Variants in EDEM1 observed in about 807,000 individuals in gnomAD.
EDEM1 encodes ER degradation-enhancing alpha-mannosidase-like protein 1.
Under a neutral mutation model 74.4 loss-of-function variants are expected in EDEM1, and 67 were observed. The observed-to-expected ratio is 0.90, with a 90% confidence interval of 0.74 to 1.10. The LOEUF is 1.10. Among genes scored for constraint, EDEM1 ranks in the 50% least tolerant of loss-of-function variants. The pLI, the probability that EDEM1 is intolerant of heterozygous loss-of-function variation, is 0.00. For missense variants in EDEM1, 926 were observed against 851.6 expected (o/e 1.09, Z -1.09); for synonymous variants, 382 against 335.9 (o/e 1.14, Z -1.50).
chr3:5,204,759 T>C (rs2055075184), intron 5 of EDEM1, among the ~76,000 whole-genome samples: 1 of 152,210 alleles, frequency 6.6e-6, no homozygotes, highest in Admixed American at 6.5e-5. Flanking sequence ...GGTTAAAGTC[T>C]GTGAAAAACT....
Position 5,216,167 on chromosome 3 carries a change from A to G in EDEM1, c.*249A>G, listed in dbSNP as rs2055233036. 6.0e-6 allele frequency: 3 copies of G among 501,086 alleles called. No individual in the cohort carries two copies. The South Asian group carries it at 9.0e-5, about 15-fold the overall frequency. 31.0% of individuals were successfully genotyped at this position (501,086 alleles called of 1,614,324 possible). ...TACATGGAAATTGCCCTCTTATGAC[A>G]TGTTGATGTTATAAGCACAATAGAT... On this transcript the variant is annotated 3_prime_UTR_variant, in exon 12 of 12. Transcript: ENST00000256497.
chr3:5,205,800 A>G (rs1296178082), intron 6 of EDEM1, among the ~76,000 whole-genome samples: 1 of 152,184 alleles, frequency 6.6e-6, no homozygotes, highest in Non-Finnish European at 1.5e-5. Flanking sequence ...TGGGAATGAT[A>G]TACCAATACT....
At chr3:5,215,336 G>A (rs1189337349) in intron 11 of EDEM1, among the ~76,000 whole-genome samples, 2 of 151,746 alleles carry the variant, frequency 1.3e-5, no homozygotes, top group East Asian at 3.8e-4. Context: ...TAAGCATTTA[G>A]AGTTTAGTGA....
chr3:5,188,385 C>G, intron 1 of EDEM1, 71 bp downstream of exon 1: 11 of 1,327,130 alleles, frequency 8.3e-6, no homozygotes, highest in Non-Finnish European at 1.1e-5. Flanking sequence ...GGGGTGCAGC[C>G]CTCTGTCCTC....
rs2055038826 is a variant in EDEM1, at chr3:5,201,853, A to G, written c.787A>G (p.Met263Val). The change falls in exon 4 of 12, where the codon ATG becomes GTG. Residue 263 changes from methionine to valine, a missense_variant. Coordinates refer to ENST00000256497, the MANE Select transcript of EDEM1 (RefSeq NM_014674.3). ...GGACTATGATAATGAGTTGTTATAC[A>G]TGGCCCATGACCTGGCGGTGCGGCT... The part of the protein sequence containing the change: ...IKDYDNELLY[M>V]AHDLAVRLLP... The G allele has an allele frequency of 6.2e-7, 1 of 1,614,214 alleles. No individual in the cohort carries two copies. Among genetic ancestry groups the G allele is most frequent in the South Asian group, 1.1e-5 (1 of 91,082 alleles).
chr3:5,214,310 G>A (rs540836766), intron 11 of EDEM1, among the ~76,000 whole-genome samples: 2 of 152,310 alleles, frequency 1.3e-5, no homozygotes, highest in African/African-American at 4.8e-5. Flanking sequence ...GAGTTCGGCA[G>A]CCTCCCCACA....
At chr3:5,206,698 A>G (rs2055101118) in intron 6 of EDEM1, among the ~76,000 whole-genome samples, 2 of 152,220 alleles carry the variant, frequency 1.3e-5, no homozygotes, top group Non-Finnish European at 2.9e-5. Flanking sequence ...CAAAGCCACA[A>G]ACTAAATTGA....
intron 2 of EDEM1, among the ~76,000 whole-genome samples, chr3:5,196,484 A>ACG (rs1309949410): frequency 4.0e-5 from 6 of 151,494 alleles, no homozygotes; most frequent in Admixed American, 3.3e-4. Flanking sequence ...ACACACACAC[A>ACG]AGAATTGGGT....
At chr3:5,215,439 G>C (rs949726191) in intron 11 of EDEM1, among the ~76,000 whole-genome samples, 2 of 152,188 alleles carry the variant, frequency 1.3e-5, no homozygotes, top group African/African-American at 4.8e-5. Context: ...AGGACCCCAG[G>C]GATGTGGCTT....
chr3:5,196,079 T>C (rs1575585049), intron 2 of EDEM1, among the ~76,000 whole-genome samples: 1 of 152,262 alleles, frequency 6.6e-6, no homozygotes, highest in Non-Finnish European at 1.5e-5. Context: ...AAATATCTTA[T>C]TGCAGTCTAG....
intron 2 of EDEM1, among the ~76,000 whole-genome samples, chr3:5,195,694 T>TG (rs1471868185): frequency 6.6e-6 from 1 of 152,224 alleles, no homozygotes; most frequent in Non-Finnish European, 1.5e-5. Flanking sequence ...AGGAGCAAGT[T>TG]GGAGCCCTAG....
intron 11 of EDEM1, among the ~76,000 whole-genome samples, chr3:5,215,265 G>T (rs779890721): frequency 6.8e-6 from 1 of 147,816 alleles, no homozygotes; most frequent in Non-Finnish European, 1.5e-5. Flanking sequence ...CTCAAGATGT[G>T]CATCTGCTTT....
chr3:5,201,957 C>T (rs371555737), intron 4 of EDEM1, 33 bp downstream of exon 4: 9 of 1,582,228 alleles, frequency 5.7e-6, no homozygotes, highest in Non-Finnish European at 6.9e-6. Flanking sequence ...TTGTGTTTGA[C>T]AATTCACTAT....
intron 2 of EDEM1, among the ~76,000 whole-genome samples, chr3:5,196,150 G>A (rs1263847099): frequency 1.3e-5 from 2 of 152,124 alleles, no homozygotes; most frequent in Non-Finnish European, 2.9e-5. Flanking sequence ...AGAGTTTAAA[G>A]CTGTCTGTTA....
intron 11 of EDEM1, 140 bp downstream of exon 11, chr3:5,213,662 T>C (rs2055195457): frequency 6.3e-6 from 5 of 799,902 alleles, no homozygotes; most frequent in Non-Finnish European, 9.8e-6. Flanking sequence ...AAAGACACCA[T>C]TTACATAGCT....
Position 5,203,119 on chromosome 3 carries a change from A to G in EDEM1, c.1012A>G (p.Asn338Asp). Residue 338 changes from asparagine (N) to aspartate (D), a missense_variant, in exon 5 of 12, where the codon AAC becomes GAC. Asn to Asp is a conservative substitution (Grantham distance 23, BLOSUM62 1). Transcript: ENST00000256497. ...VARRAVKALW[N>D]LRSNDTGLLG... ...CAGACGAGCAGTGAAAGCCCTTTGG[A>G]ACCTCCGGAGCAATGATACAGGATT... 6.2e-7 allele frequency: 1 copy of G among 1,602,688 alleles called. No individual in the cohort carries two copies. The highest frequency in any genetic ancestry group is 1.1e-5 in the South Asian group (1 of 89,168).
chr3:5,213,236 C>A, intron 10 of EDEM1, 83 bp from the exon 11 acceptor site: 1 of 1,365,600 alleles, frequency 7.3e-7, no homozygotes, highest in Non-Finnish European at 1.0e-6. Context: ...ATTCTACTCC[C>A]TGAGTAGCTG....
intron 9 of EDEM1, 54 bp from the exon 10 acceptor site, chr3:5,211,066 A>C: frequency 2.0e-6 from 3 of 1,508,200 alleles, no homozygotes; most frequent in Non-Finnish European, 2.8e-6. Context: ...TTCTTAAGTG[A>C]ATCAGCAGGT....
At position 5,208,156 on chromosome 3, in the gene EDEM1, C is replaced by T. The variant is rs201299932; in HGVS notation, c.1402C>T (p.Arg468Ter). Residue 468 changes from arginine to a stop codon, truncating the protein, a stop_gained, in exon 8 of 12, where the codon CGA becomes TGA. Coordinates refer to ENST00000256497, the MANE Select transcript of EDEM1 (RefSeq NM_014674.3). LOFTEE classifies it high-confidence loss of function. ...TGCCTTCTACTATGCCATATGGAAA[C>T]GATATGGTGCCCTCCCTGAGAGATA... ...LHAFYYAIWK[R>*]YGALPERYNW... 13 of 1,612,634 alleles carry T rather than the reference C, an allele frequency of 8.1e-6. No homozygotes were observed. Among genetic ancestry groups the T allele is most frequent in the African/African-American group, 2.7e-5 (2 of 74,706 alleles).
Sources: gnomAD v4.1 joint callset for allele counts (sites outside exome capture counted in the v4.1 genomes callset) on GRCh38, gnomAD v4.1.1 for gene constraint, MANE v1.5 for transcripts, NCBI Gene and HGNC (gene_info 2026-07-23, HGNC 2026-07-21) for gene names.